SEC14L6: variants seen among roughly 807,000 people sequenced by gnomAD.
SEC14L6 encodes the protein SEC14 like lipid binding 6.
SEC14L6 carries 40 observed loss-of-function variants against 54.1 expected under a neutral mutation model. That is an observed-to-expected ratio of 0.74 (90% CI 0.57 to 0.96). The LOEUF is 0.96. Among genes scored for constraint, SEC14L6 ranks in the 40% least tolerant of loss-of-function variants. The probability of loss-of-function intolerance (pLI) is 0.00; values close to 1 mark genes in which losing one functional copy is unlikely to be tolerated. For synonymous variants in SEC14L6, 171 were observed against 198.4 expected, an observed-to-expected ratio of 0.86 and a Z score of 1.16; for missense variants, 471 against 498.3, an observed-to-expected ratio of 0.95 and a Z score of 0.52.
chr22:30,539,201 A>T (rs1431536995), intron 1 of SEC14L6, among the ~76,000 whole-genome samples: 1 of 152,066 alleles, frequency 6.6e-6, no homozygotes, highest in Non-Finnish European at 1.5e-5. Flanking sequence ...ACATGGTGAA[A>T]CCCTGTCTGT....
intron 1 of SEC14L6, 100 bp downstream of exon 1, chr22:30,546,529 G>T: frequency 8.9e-7 from 1 of 1,122,214 alleles, no homozygotes; most frequent in Non-Finnish European, 1.3e-6. Context: ...GAGACCCAGA[G>T]CTGGAGAGTT....
At chr22:30,530,615 T>C (rs1203128321) in intron 6 of SEC14L6, among the ~76,000 whole-genome samples, 1 of 152,224 alleles carries the variant, frequency 6.6e-6, no homozygotes, top group African/African-American at 2.4e-5. Context: ...AAGACCAGGC[T>C]GGTCTTAAAT....
intron 8 of SEC14L6, among the ~76,000 whole-genome samples, chr22:30,527,146 A>G (rs1390265109): frequency 6.6e-6 from 1 of 151,510 alleles, no homozygotes; most frequent in Non-Finnish European, 1.5e-5. Context: ...TCTCAAATAT[A>G]TACATATATA....
chr22:30,536,686 T>C (rs1107844), intron 2 of SEC14L6, among the ~76,000 whole-genome samples: 105,157 of 151,944 alleles, frequency 0.69, 36,658 homozygotes, highest in Middle Eastern at 0.74. Context: ...ACCTACCTAA[T>C]TGGGTTGAAC....
In SEC14L6 at chr22:30,543,996, G is replaced by C. The variant is rs889241638; in HGVS notation, c.54+2633C>G. 5 of 1,600,178 alleles carry C rather than the reference G, an allele frequency of 3.1e-6. No individual in the cohort carries two copies. The African/African-American group carries it at 6.7e-5, about 21-fold the overall frequency. On this transcript the variant is annotated intron_variant, in intron 1 of 11. Coordinates refer to ENST00000402034, the MANE Select transcript of SEC14L6 (RefSeq NM_001193336.4). The stretch of plus-strand genomic sequence containing the variant: ...TCACCTATGCTGACCTGGACATGGT[G>C]CACCTCAACCGGACCCCCAAGCAGC...
In SEC14L6 at chr22:30,542,565, C is replaced by G. The variant is rs1228574364; in HGVS notation, c.55-3663G>C. ...TTCCAGCCCTCGCGGGCGGCGTAGC[C>G]GCGGCCCATGGAGCCCGCGGGCCGG... On this transcript the variant is annotated intron_variant, in intron 1 of 11. Coordinates refer to ENST00000402034, the MANE Select transcript of SEC14L6 (RefSeq NM_001193336.4). 12 of 1,404,834 alleles carry G rather than the reference C, an allele frequency of 8.5e-6. No individual in the cohort carries two copies. In the South Asian group the frequency reaches 1.8e-4, roughly 21 times the overall value. The allele number at this position is 1,404,834 out of a possible 1,614,324, so 87.0% of individuals were successfully genotyped here. A position where few individuals can be genotyped will look rare whatever the true frequency, so the allele number is the denominator to read the frequency against.
At chr22:30,532,238 A>T in intron 5 of SEC14L6, 1 of 985,482 alleles carries the variant, frequency 1.0e-6, no homozygotes, top group Non-Finnish European at 1.2e-6. Flanking sequence ...TCTTCGGTCC[A>T]GTGGGGCTGA....
At chr22:30,539,044 C>T in intron 1 of SEC14L6, 142 bp from the exon 2 acceptor site, 1 of 604,276 alleles carries the variant, frequency 1.7e-6, no homozygotes, top group South Asian at 2.0e-5. Flanking sequence ...CAAGCCATAA[C>T]AGTTTGTTTC....
At chr22:30,537,488 G>A (rs1002737703) in intron 2 of SEC14L6, among the ~76,000 whole-genome samples, 27 of 152,064 alleles carry the variant, frequency 1.8e-4, no homozygotes, top group Non-Finnish European at 2.4e-4. Flanking sequence ...GCGTGGTGCC[G>A]AGCTCCTATA....
Position 30,525,815 on chromosome 22 carries a change from G to A in SEC14L6, c.771+11C>T, listed in dbSNP as rs1468821396. 1.2e-5 allele frequency: 19 copies of A among 1,613,490 alleles called. No individual in the cohort carries two copies. The highest frequency in any genetic ancestry group is 1.4e-5 in the Non-Finnish European group (17 of 1,179,642). On this transcript the variant is annotated intron_variant, in intron 9 of 11. Coordinates refer to ENST00000402034, the MANE Select transcript of SEC14L6 (RefSeq NM_001193336.4). ...TCTCCCCTCCTTCCCCATCCTCTGG[G>A]CACCCTGTACCTTGGTCAGGCACTT...
chr22:30,538,654 C>T (rs2085642738), intron 2 of SEC14L6, among the ~76,000 whole-genome samples, 173 bp downstream of exon 2: 1 of 152,234 alleles, frequency 6.6e-6, no homozygotes, highest in Non-Finnish European at 1.5e-5. Context: ...GAGTCAGAAA[C>T]ACCCCACTAA....
At chr22:30,529,412 C>T (rs1392940185) in intron 6 of SEC14L6, 63 bp from the exon 7 acceptor site, 6 of 1,344,194 alleles carry the variant, frequency 4.5e-6, no homozygotes, top group Non-Finnish European at 5.2e-6. Flanking sequence ...TCCCCTCTCG[C>T]CCCACCCTCC....
rs769114585 is a variant in SEC14L6 at position 30,523,306 on chromosome 22, A to G, written c.*1691T>C. 2 of 152,250 alleles carry G rather than the reference A, an allele frequency of 1.3e-5. No homozygotes were observed. The highest frequency in any genetic ancestry group is 2.9e-5 in the Non-Finnish European group (2 of 68,082). The allele number at this position is 152,250 out of a possible 1,614,324, so 9.4% of individuals were successfully genotyped here. ...AGGCCTGATCGCAGGACAGCACTCT[A>G]GTAGGACTGTGGGCTGACACCGACC... is the stretch of plus-strand genomic sequence containing the variant. On this transcript the variant is annotated 3_prime_UTR_variant, in exon 12 of 12. Transcript: ENST00000402034.
chr22:30,525,952 G>A lies in SEC14L6; in HGVS notation c.665-20C>T. ...AGTTGTCTGCATGGGAGCAAGAGAG[G>A]GACTCCAAAGGGACTCAGGAGACTC... On this transcript the variant is annotated intron_variant, in intron 8 of 11. Transcript: ENST00000402034. 6.3e-7 allele frequency: 1 copy of A among 1,575,890 alleles called. No homozygotes were observed. Among genetic ancestry groups the A allele is most frequent in the Non-Finnish European group, 8.6e-7 (1 of 1,158,940 alleles).
intron 11 of SEC14L6, 117 bp downstream of exon 11, chr22:30,525,233 G>A: frequency 2.2e-6 from 3 of 1,366,530 alleles, no homozygotes; most frequent in Non-Finnish European, 3.0e-6. Context: ...CCCAGAGCCA[G>A]CCTCACACTG....
Position 30,525,939 on chromosome 22 carries a change from G to T in SEC14L6, c.665-7C>A, listed in dbSNP as rs1936765140. On this transcript the variant is annotated splice_region_variant and splice_polypyrimidine_tract_variant and intron_variant, in intron 8 of 11. Transcript: ENST00000402034. ...AGCTCCTGCTTCCAGTTGTCTGCAT[G>T]GGAGCAAGAGAGGGACTCCAAAGGG... 4 of 1,591,280 alleles carry T rather than the reference G, an allele frequency of 2.5e-6. No homozygotes were observed. In the East Asian group the frequency reaches 9.0e-5, roughly 36 times the overall value.
intron 8 of SEC14L6, among the ~76,000 whole-genome samples, chr22:30,527,306 A>G (rs1344749129): frequency 6.6e-6 from 1 of 152,122 alleles, no homozygotes; most frequent in Non-Finnish European, 1.5e-5. Flanking sequence ...CATGAGACAC[A>G]AGAAGGCAAT....
chr22:30,528,422 C>CTTTTTTTTGTTTTTTTT (rs1936854332), intron 8 of SEC14L6, among the ~76,000 whole-genome samples: 1 of 105,536 alleles, frequency 9.5e-6, no homozygotes, highest in Non-Finnish European at 1.9e-5. Context: ...CGCTCGGCCT[C>CTTTTTTTTGTTTTTTTT]TTTTTTTTTT....
chr22:30,540,734 A>G (rs1031793249), intron 1 of SEC14L6, among the ~76,000 whole-genome samples: 1 of 148,232 alleles, frequency 6.7e-6, no homozygotes, highest in African/African-American at 2.5e-5. Context: ...AAAAAAATCA[A>G]TTGGCTGGGT....
Sources: gnomAD v4.1 joint callset for allele counts (sites outside exome capture counted in the v4.1 genomes callset) on GRCh38, gnomAD v4.1.1 for gene constraint, MANE v1.5 for transcripts, NCBI Gene and HGNC (gene_info 2026-07-23, HGNC 2026-07-21) for gene names.